The following C1orf21 variants were observed in gnomAD, a reference collection of about 807,000 sequenced individuals.
C1orf21 encodes the protein uncharacterized protein C1orf21.
Under a neutral mutation model 18.7 loss-of-function variants are expected in C1orf21, and 3 were observed. That is an observed-to-expected ratio of 0.16 (90% CI 0.07 to 0.42). C1orf21 has a LOEUF of 0.42. C1orf21 is among the 10% of genes least tolerant of loss of function. C1orf21 has a pLI of 0.99. For synonymous variants in C1orf21, 41 were observed against 46.4 expected (o/e 0.88, Z 0.47); for missense variants, 104 against 143.6 (o/e 0.72, Z 1.41).
rs577755992 is a variant in C1orf21 at position 184,463,958 on chromosome 1, T to A, written c.-124-13428T>A. Among the ~76,000 whole-genome samples, 4 of 152,254 alleles carry A rather than the reference T, an allele frequency of 2.6e-5. No individual in the cohort carries two copies. In the South Asian group the frequency reaches 6.2e-4, roughly 24 times the overall value. ...CCTTGAAGGTTGGGTAGAATTTGAATAACAGATGGAGATTAATGGGGAGGG... is the reference window on the plus strand; with the variant it reads ...CCTTGAAGGTTGGGTAGAATTTGAAAAACAGATGGAGATTAATGGGGAGGG... On this transcript the variant is annotated intron_variant, in intron 1 of 5. Coordinates refer to ENST00000235307, the MANE Select transcript of C1orf21 (RefSeq NM_030806.4).
intron 1 of C1orf21, among the ~76,000 whole-genome samples, chr1:184,424,053 T>C (rs1396244432): frequency 1.3e-5 from 2 of 152,332 alleles, no homozygotes; most frequent in East Asian, 3.9e-4. Context: ...TGGAAAGTTC[T>C]TTTTTCCTTG....
chr1:184,522,715 T>C (rs1044927010), intron 3 of C1orf21, among the ~76,000 whole-genome samples: 5 of 152,212 alleles, frequency 3.3e-5, no homozygotes, highest in Non-Finnish European at 5.9e-5. Flanking sequence ...AGACAGAGTC[T>C]CACTCCGATT....
At chr1:184,556,702 A>G (rs527342735) in intron 3 of C1orf21, among the ~76,000 whole-genome samples, 1 of 152,324 alleles carries the variant, frequency 6.6e-6, no homozygotes, top group East Asian at 1.9e-4. Flanking sequence ...TCAGACTTCT[A>G]AAGAGTGGAA....
chr1:184,528,601 C>T (rs751414445), intron 3 of C1orf21, among the ~76,000 whole-genome samples: 5 of 152,024 alleles, frequency 3.3e-5, no homozygotes, highest in African/African-American at 1.2e-4. Context: ...CCTGCTACCA[C>T]GCCCGGCTAA....
intron 3 of C1orf21, among the ~76,000 whole-genome samples, chr1:184,516,704 A>G (rs1658235544): frequency 6.6e-6 from 1 of 152,174 alleles, no homozygotes; most frequent in African/African-American, 2.4e-5. Flanking sequence ...CTACCATGAG[A>G]ACAGTATGGG....
chr1:184,615,165 G>C (rs1012674679), intron 5 of C1orf21, among the ~76,000 whole-genome samples: 3 of 152,124 alleles, frequency 2.0e-5, no homozygotes, highest in Admixed American at 1.3e-4. Context: ...CCTTACACTA[G>C]AACCTTAGAA....
intron 3 of C1orf21, among the ~76,000 whole-genome samples, chr1:184,538,468 A>G (rs1484276872): frequency 6.6e-6 from 1 of 152,014 alleles, no homozygotes; most frequent in East Asian, 1.9e-4. Flanking sequence ...TTTCATTTTC[A>G]TGAAATCCAA....
chr1:184,583,076 T>G (rs1185187945), intron 3 of C1orf21, among the ~76,000 whole-genome samples: 1 of 152,120 alleles, frequency 6.6e-6, no homozygotes, highest in Non-Finnish European at 1.5e-5. Context: ...TGACCTCAGG[T>G]GATCCGCCCG....
intron 4 of C1orf21, among the ~76,000 whole-genome samples, chr1:184,596,207 A>G (rs2102001432): frequency 6.6e-6 from 1 of 152,308 alleles, no homozygotes; most frequent in South Asian, 2.1e-4. Context: ...TGGTATTTAA[A>G]TAAAGGAGCT....
At chr1:184,422,479 A>T (rs1656560909) in intron 1 of C1orf21, among the ~76,000 whole-genome samples, 1 of 152,176 alleles carries the variant, frequency 6.6e-6, no homozygotes, top group Non-Finnish European at 1.5e-5. Context: ...ACAGGTGGAG[A>T]ACTGAGGTGT....
At chr1:184,577,669 T>C (rs1659212496) in intron 3 of C1orf21, among the ~76,000 whole-genome samples, 1 of 152,160 alleles carries the variant, frequency 6.6e-6, no homozygotes, top group Non-Finnish European at 1.5e-5. Context: ...TGTTTTTAGC[T>C]TTGACATGCG....
chr1:184,575,264 A>G (rs896379337), intron 3 of C1orf21, among the ~76,000 whole-genome samples: 16 of 152,370 alleles, frequency 1.1e-4, no homozygotes, highest in Non-Finnish European at 1.8e-4. Flanking sequence ...CAGAAATAGA[A>G]CAATGCCAGA....
intron 2 of C1orf21, among the ~76,000 whole-genome samples, chr1:184,485,218 A>C (rs559113784): frequency 6.6e-6 from 1 of 152,260 alleles, no homozygotes; most frequent in East Asian, 1.9e-4. Context: ...GACTAGTCCT[A>C]ATTGAGATGT....
In C1orf21 at chr1:184,412,378, C is replaced by T. The variant is rs1166377851; in HGVS notation, c.-125+25010C>T. The stretch of plus-strand genomic sequence containing the variant: ...GATGGACATCCCTTAGGGGAAGCCT[C>T]AGGTAGGATAAGCAAAGCCTAGGTT... On this transcript the variant is annotated intron_variant, in intron 1 of 5. Coordinates refer to ENST00000235307, the MANE Select transcript of C1orf21 (RefSeq NM_030806.4). 3.3e-5 allele frequency: 5 copies of T among 152,186 alleles called. No homozygotes were observed. In the South Asian group the frequency reaches 8.3e-4, roughly 25 times the overall value. 9.4% of individuals were successfully genotyped at this position (152,186 alleles called of 1,614,324 possible). A position where few individuals can be genotyped will look rare whatever the true frequency, so the allele number is the denominator to read the frequency against.
At chr1:184,403,393 G>A (rs970307871) in intron 1 of C1orf21, among the ~76,000 whole-genome samples, 1 of 152,174 alleles carries the variant, frequency 6.6e-6, no homozygotes, top group Non-Finnish European at 1.5e-5. Flanking sequence ...GTAATATATT[G>A]TTTAAAGATA....
intron 1 of C1orf21, among the ~76,000 whole-genome samples, chr1:184,423,094 G>T (rs745922906): frequency 7.9e-5 from 12 of 152,208 alleles, no homozygotes; most frequent in Non-Finnish European, 1.2e-4. Flanking sequence ...GTTATAAAGA[G>T]CCAAGGAGAC....
At chr1:184,608,246 A>C (rs1421169225) in intron 5 of C1orf21, among the ~76,000 whole-genome samples, 1 of 152,208 alleles carries the variant, frequency 6.6e-6, no homozygotes, top group Non-Finnish European at 1.5e-5. Context: ...GTATCTTTTA[A>C]ATTTCTCAAA....
chr1:184,509,551 G>T (rs1658113434), intron 3 of C1orf21, among the ~76,000 whole-genome samples: 1 of 152,008 alleles, frequency 6.6e-6, no homozygotes, highest in African/African-American at 2.4e-5. Flanking sequence ...TCAGTTATTT[G>T]GTAATTTGTT....
chr1:184,395,354 C>T (rs889784299), intron 1 of C1orf21, among the ~76,000 whole-genome samples: 10 of 151,912 alleles, frequency 6.6e-5, no homozygotes, highest in Non-Finnish European at 1.0e-4. Context: ...TTGAAGCCTT[C>T]TTTAATATAA....
Sources: gnomAD v4.1 joint callset for allele counts (sites outside exome capture counted in the v4.1 genomes callset) on GRCh38, gnomAD v4.1.1 for gene constraint, MANE v1.5 for transcripts, NCBI Gene and HGNC (gene_info 2026-07-23, HGNC 2026-07-21) for gene names.